Variants in EZR observed in about 807,000 individuals in gnomAD.
EZR encodes the protein cytovillin 2.
EZR carries 40 observed loss-of-function variants against 74.8 expected under a neutral mutation model. The observed-to-expected ratio is 0.53, with a 90% CI of 0.42 to 0.70. The LOEUF (loss-of-function observed/expected upper bound fraction) is 0.70. Ranked by LOEUF, EZR falls within the 30% of genes least tolerant of loss-of-function variation. The pLI, the probability that EZR is intolerant of heterozygous loss-of-function variation, is 0.00. For missense variants in EZR, 678 were observed against 755.8 expected (o/e 0.90, Z 1.21); for synonymous variants, 341 against 283.3 (o/e 1.20, Z -2.05).
In EZR at chr6:158,771,107, G is replaced by A. The variant is rs975133357; in HGVS notation, c.959+137C>T. ...GCAACCGCCCAGAGACAAAGGCCTCGAAGATCCCAGCGTGGTGACTGGGTT... is the reference window on the plus strand; with the variant it reads ...GCAACCGCCCAGAGACAAAGGCCTCAAAGATCCCAGCGTGGTGACTGGGTT... On this transcript the variant is annotated intron_variant, in intron 9 of 13. Transcript: ENST00000367075. 18 of 1,379,832 alleles carry A rather than the reference G, an allele frequency of 1.3e-5. No homozygotes were observed. The Admixed American group carries it at 3.2e-4, about 25-fold the overall frequency. 85.5% of individuals were successfully genotyped at this position (1,379,832 alleles called of 1,614,324 possible).
At chr6:158,783,688 G>A (rs1423763395) in intron 6 of EZR, 22 bp from the exon 7 acceptor site, 2 of 1,610,762 alleles carry the variant, frequency 1.2e-6, no homozygotes, top group East Asian at 2.2e-5. Context: ...GAGTGAAACA[G>A]GCAGAGTCAC....
At position 158,770,731 on chromosome 6, in the gene EZR, C is replaced by T. The variant is rs552845390; in HGVS notation, c.1090+33G>A. ...CTGCTACTCTGTGGAAATGCATGAC[C>T]CAGTGTAGAGTGCCAGCCCCAGGGC... On this transcript the variant is annotated intron_variant, in intron 10 of 13. Coordinates refer to ENST00000367075, the MANE Select transcript of EZR (RefSeq NM_001111077.2). The T allele has an allele frequency of 2.2e-5, 36 of 1,613,696 alleles. No homozygotes were observed. The South Asian group carries it at 3.5e-4, about 16-fold the overall frequency.
chr6:158,808,033 A>G (rs1482726380), intron 2 of EZR, among the ~76,000 whole-genome samples: 1 of 152,226 alleles, frequency 6.6e-6, no homozygotes, highest in Non-Finnish European at 1.5e-5. Flanking sequence ...TCTCCCCAGT[A>G]CCTGAAAACC....
intron 8 of EZR, among the ~76,000 whole-genome samples, chr6:158,773,482 G>A (rs561880634): frequency 2.6e-5 from 4 of 152,306 alleles, no homozygotes; most frequent in East Asian, 1.9e-4. Context: ...ACCACAACAC[G>A]ACAAGACCTG....
Position 158,803,632 on chromosome 6 carries a change from CATACATATATATATATAT to C in EZR, c.13-14279_13-14262del, listed in dbSNP as rs1562504704. Reference sequence around the variant, plus strand: ...ATATATATATATATATATACATATACATACATATATATATATATATACATATATATATATAAAATATAC... The same window carrying C: ...ATATATATATATATATATACATATACATACATATATATATATAAAATATAC... On this transcript the variant is annotated intron_variant, in intron 2 of 13. Coordinates refer to ENST00000367075, the MANE Select transcript of EZR (RefSeq NM_001111077.2). Among the ~76,000 whole-genome samples, 12 of 18,072 alleles carry C rather than the reference CATACATATATATATATAT, an allele frequency of 6.6e-4. 1 individual carries two copies. The East Asian group carries it at 8.4e-3, about 13-fold the overall frequency. 11.9% of individuals were successfully genotyped at this position (18,072 alleles called of 152,430 possible). A position where few individuals can be genotyped will look rare whatever the true frequency, so the allele number is the denominator to read the frequency against.
intron 2 of EZR, among the ~76,000 whole-genome samples, chr6:158,811,078 A>G (rs537182948): frequency 6.6e-6 from 1 of 152,378 alleles, no homozygotes; most frequent in South Asian, 2.1e-4. Context: ...GTCACATTAT[A>G]GCACAAGGGT....
intron 2 of EZR, among the ~76,000 whole-genome samples, chr6:158,807,569 C>T (rs948547952): frequency 2.0e-5 from 3 of 152,100 alleles, no homozygotes; most frequent in African/African-American, 7.2e-5. Flanking sequence ...AAGTGATTTA[C>T]CAGAAAACCA....
chr6:158,795,861 G>A (rs373209522), intron 2 of EZR, among the ~76,000 whole-genome samples: 4 of 152,196 alleles, frequency 2.6e-5, no homozygotes, highest in African/African-American at 7.2e-5. Context: ...GAGACAGAGG[G>A]CCTGGGTTTG....
At chr6:158,801,101 C>A (rs1298683065) in intron 2 of EZR, among the ~76,000 whole-genome samples, 3 of 152,188 alleles carry the variant, frequency 2.0e-5, no homozygotes, top group Non-Finnish European at 4.4e-5. Flanking sequence ...CGCCACCACA[C>A]TGGGTAACAG....
chr6:158,781,891 CTG>C (rs1247020383), intron 7 of EZR, among the ~76,000 whole-genome samples: 1 of 152,152 alleles, frequency 6.6e-6, no homozygotes, highest in Non-Finnish European at 1.5e-5. Flanking sequence ...AGCCACCTGA[CTG>C]AGACCACAGG....
At chr6:158,807,314 CAAAA>C (rs56041297) in intron 2 of EZR, among the ~76,000 whole-genome samples, 2 of 136,212 alleles carry the variant, frequency 1.5e-5, no homozygotes, top group Non-Finnish European at 3.2e-5. Flanking sequence ...GACTCCGTCT[CAAAA>C]AAAAAAAAAA....
intron 8 of EZR, among the ~76,000 whole-genome samples, chr6:158,773,526 A>G (rs897427183): frequency 4.6e-5 from 7 of 152,246 alleles, no homozygotes; most frequent in African/African-American, 1.7e-4. Flanking sequence ...AGGACCAGCA[A>G]GGTAAAAATG....
At chr6:158,783,811 G>T in intron 6 of EZR, 145 bp from the exon 7 acceptor site, 1 of 870,216 alleles carries the variant, frequency 1.1e-6, no homozygotes, top group Non-Finnish European at 1.7e-6. Context: ...CAGGGGCCGG[G>T]CAGCCGACCG....
intron 2 of EZR, among the ~76,000 whole-genome samples, chr6:158,799,234 GC>G (rs374592226): frequency 1.3e-5 from 2 of 152,132 alleles, no homozygotes; most frequent in African/African-American, 4.8e-5. Context: ...TCACCCAGGG[GC>G]TTGTTAAAAC....
chr6:158,782,295 G>A (rs1029202223), intron 7 of EZR, among the ~76,000 whole-genome samples: 1 of 152,168 alleles, frequency 6.6e-6, no homozygotes, highest in South Asian at 2.1e-4. Context: ...GCAGGAATCC[G>A]CGTGGTTGCA....
intron 5 of EZR, 105 bp downstream of exon 5, chr6:158,785,204 C>G: frequency 7.1e-7 from 1 of 1,418,022 alleles, no homozygotes; most frequent in Non-Finnish European, 9.6e-7. Flanking sequence ...GCACTTGACA[C>G]TGGCGAAGTC....
intron 8 of EZR, among the ~76,000 whole-genome samples, chr6:158,773,772 G>A (rs180979171): frequency 1.5e-4 from 23 of 152,352 alleles, no homozygotes; most frequent in Admixed American, 1.0e-3. Flanking sequence ...GAGTCAGAGC[G>A]GAAACGCTGC....
chr6:158,779,558 G>A (rs1791371833), intron 7 of EZR, among the ~76,000 whole-genome samples: 1 of 151,930 alleles, frequency 6.6e-6, no homozygotes, highest in Admixed American at 6.6e-5. Flanking sequence ...TTTAAAGTTT[G>A]AAATAATATA....
chr6:158,808,139 T>G (rs555518118), intron 2 of EZR, among the ~76,000 whole-genome samples: 1 of 152,270 alleles, frequency 6.6e-6, no homozygotes, highest in East Asian at 1.9e-4. Flanking sequence ...GAAGAATGCG[T>G]GTGTGGAGTT....
Sources: gnomAD v4.1 joint callset for allele counts (sites outside exome capture counted in the v4.1 genomes callset) on GRCh38, gnomAD v4.1.1 for gene constraint, MANE v1.5 for transcripts, NCBI Gene and HGNC (gene_info 2026-07-23, HGNC 2026-07-21) for gene names.